Variants in DNAH6 observed in about 807,000 individuals in gnomAD.
The protein encoded by DNAH6 is dynein axonemal heavy chain 6.
In DNAH6, 340 loss-of-function variants were observed where a neutral mutation model predicts 491.4. The observed-to-expected ratio is 0.69, with a 90% CI of 0.63 to 0.76. The LOEUF is 0.76. DNAH6 is among the 30% of genes least tolerant of loss of function. The probability of loss-of-function intolerance (pLI) is 0.00; values close to 1 mark genes in which losing one functional copy is unlikely to be tolerated. For missense variants in DNAH6, 4,443 were observed against 4,972.2 expected, an observed-to-expected ratio of 0.89 and a Z score of 3.20; for synonymous variants, 1,603 against 1,686.1, an observed-to-expected ratio of 0.95 and a Z score of 1.21.
chr2:84,508,282 A>T, the DNAH6 span, among the ~76,000 whole-genome samples: 21 of 152,192 alleles, frequency 1.4e-4, no homozygotes, highest in African/African-American at 5.1e-4. Flanking sequence ...AACTTCCTCC[A>T]GGTTTAGTCT....
At chr2:84,631,356 A>G (rs1688379841) in intron 29 of DNAH6, among the ~76,000 whole-genome samples, 1 of 152,164 alleles carries the variant, frequency 6.6e-6, no homozygotes, top group Non-Finnish European at 1.5e-5. Flanking sequence ...TATTATATCC[A>G]TCATAAACTT....
chr2:84,593,071 A>C (rs1191761749), intron 16 of DNAH6, among the ~76,000 whole-genome samples: 1 of 152,202 alleles, frequency 6.6e-6, no homozygotes, highest in African/African-American at 2.4e-5. Flanking sequence ...AATTTATTAA[A>C]AGAATAGATC....
In DNAH6 at chr2:84,579,539, A is replaced by G. The variant is rs200777363; in HGVS notation, c.2089A>G (p.Met697Val). 1 of 1,613,786 alleles carries G rather than the reference A, an allele frequency of 6.2e-7. No individual in the cohort carries two copies. Among genetic ancestry groups the G allele is most frequent in the South Asian group, 1.1e-5 (1 of 91,020 alleles). The change falls in exon 14 of 77, where the codon ATG (methionine) becomes GTG (valine). Residue 697 changes from methionine to valine, a missense_variant. Around this residue, in one of 3 missense-constraint regions of DNAH6, gnomAD observed 2,977 missense variants for 3,296.6 expected, o/e 0.90. Coordinates refer to ENST00000389394, the MANE Select transcript of DNAH6 (RefSeq NM_001370.2). ...PLRCLEVLNF[M>V]LPRQSKKKVD... ...GTTTCTTTCTTAGGTGCTAAATTTT[A>G]TGCTTCCTCGTCAAAGCAAGAAAAA...
chr2:84,624,869 C>T, intron 28 of DNAH6, 33 bp from the exon 29 acceptor site: 1 of 1,508,330 alleles, frequency 6.6e-7, no homozygotes, highest in Non-Finnish European at 8.9e-7. Flanking sequence ...AGAGTTGGTT[C>T]CCTTCATATT....
intron 18 of DNAH6, among the ~76,000 whole-genome samples, chr2:84,603,190 A>G (rs978875480): frequency 3.3e-5 from 5 of 151,986 alleles, no homozygotes; most frequent in African/African-American, 1.2e-4. Flanking sequence ...CTTATATAGT[A>G]CAGTAAATAC....
rs1284414036 is a variant in DNAH6 at position 84,713,273 on chromosome 2, G to A, written c.9543+14G>A. ...TATCTGCCTGAGGTATGAACTACTG[G>A]TCTGGAATTCTCAACTTAACTGGAT... On this transcript the variant is annotated intron_variant, in intron 57 of 76. Coordinates refer to ENST00000389394, the MANE Select transcript of DNAH6 (RefSeq NM_001370.2). 4.5e-6 allele frequency: 7 copies of A among 1,547,670 alleles called. No individual in the cohort carries two copies. In the South Asian group the frequency reaches 4.8e-5, roughly 11 times the overall value.
chr2:84,743,728 T>A (rs1000750532), intron 62 of DNAH6, among the ~76,000 whole-genome samples: 4 of 152,122 alleles, frequency 2.6e-5, no homozygotes, highest in Non-Finnish European at 5.9e-5. Context: ...AGGCTGAGGC[T>A]GGAGAATTGC....
At chr2:84,476,975 T>C in the DNAH6 span, among the ~76,000 whole-genome samples, 1 of 152,230 alleles carries the variant, frequency 6.6e-6, no homozygotes, top group Non-Finnish European at 1.5e-5. Flanking sequence ...TCCTCCACTT[T>C]CACATGCTCT....
At chr2:84,594,900 C>A (rs545804734) in intron 17 of DNAH6, among the ~76,000 whole-genome samples, 3 of 152,110 alleles carry the variant, frequency 2.0e-5, no homozygotes, top group Non-Finnish European at 4.4e-5. Context: ...AAATAAAAAA[C>A]AAATATATGC....
intron 2 of DNAH6, among the ~76,000 whole-genome samples, chr2:84,522,368 C>A (rs1199529232): frequency 2.6e-5 from 4 of 151,984 alleles, no homozygotes; most frequent in South Asian, 2.1e-4. Context: ...GCTGAAGAAG[C>A]TTTTGGGCAG....
chr2:84,660,570 G>C (rs1005206866), intron 37 of DNAH6, among the ~76,000 whole-genome samples: 1 of 151,978 alleles, frequency 6.6e-6, no homozygotes, highest in African/African-American at 2.4e-5. Context: ...AAATTAGTGG[G>C]TAGAGGTTTC....
intron 10 of DNAH6, among the ~76,000 whole-genome samples, chr2:84,556,170 G>A (rs1680001274): frequency 6.6e-6 from 1 of 152,176 alleles, no homozygotes; most frequent in African/African-American, 2.4e-5. Flanking sequence ...AAAAAATCCT[G>A]TTTAGCAGGT....
intron 41 of DNAH6, among the ~76,000 whole-genome samples, chr2:84,679,158 A>C (rs1244073793): frequency 1.3e-5 from 2 of 152,216 alleles, no homozygotes; most frequent in Non-Finnish European, 2.9e-5. Flanking sequence ...GAAGCCTATG[A>C]GTCTAAATAG....
intron 2 of DNAH6, among the ~76,000 whole-genome samples, chr2:84,523,502 G>A (rs980833182): frequency 6.6e-6 from 1 of 151,590 alleles, no homozygotes; most frequent in Non-Finnish European, 1.5e-5. Context: ...GCTACTTTGG[G>A]GTTGGTTTGC....
At chr2:84,811,265 T>G (rs1559068634) in intron 72 of DNAH6, among the ~76,000 whole-genome samples, 1 of 152,244 alleles carries the variant, frequency 6.6e-6, no homozygotes, top group African/African-American at 2.4e-5. Flanking sequence ...CAGGCCTTAT[T>G]TGGTTGCTTA....
At chr2:84,790,137 A>C (rs1308985353) in intron 68 of DNAH6, among the ~76,000 whole-genome samples, 1 of 152,234 alleles carries the variant, frequency 6.6e-6, no homozygotes, top group African/African-American at 2.4e-5. Flanking sequence ...GATTTTCAAC[A>C]AAGGTGCCAA....
At position 84,709,067 on chromosome 2, in the gene DNAH6, C is replaced by T. The variant is rs77638796; in HGVS notation, c.9049-276C>T. 1.4e-4 allele frequency among the ~76,000 whole-genome samples: 21 copies of T among 152,330 alleles called. No individual in the cohort carries two copies. The East Asian group carries it at 3.3e-3, about 24-fold the overall frequency. On this transcript the variant is annotated intron_variant, in intron 54 of 76. Transcript: ENST00000389394. Reference sequence around the variant, plus strand: ...ATACAAACCTGGTTGAAAACCACTGCGACAACCCAGTCATTTACACATGAG... The same window carrying T: ...ATACAAACCTGGTTGAAAACCACTGTGACAACCCAGTCATTTACACATGAG...
intron 37 of DNAH6, among the ~76,000 whole-genome samples, chr2:84,662,875 C>G (rs985988805): frequency 1.3e-5 from 2 of 152,172 alleles, no homozygotes; most frequent in Non-Finnish European, 2.9e-5. Flanking sequence ...ACTGACAGCT[C>G]ATACAGCTGG....
At chr2:84,618,060 C>T (rs539152888) in intron 23 of DNAH6, among the ~76,000 whole-genome samples, 1 of 151,950 alleles carries the variant, frequency 6.6e-6, no homozygotes, top group Admixed American at 6.6e-5. Flanking sequence ...AGAACTGAAA[C>T]TGAAATTTTA....
Sources: allele counts gnomAD v4.1 joint callset (sites outside exome capture counted in the v4.1 genomes callset), GRCh38; gene constraint gnomAD v4.1.1; regional missense constraint gnomAD v4.1.1; transcripts MANE v1.5; gene names NCBI Gene and HGNC (gene_info 2026-07-23, HGNC 2026-07-21).